The following PDZD2 variants were observed in gnomAD, a reference collection of about 807,000 sequenced individuals.
The protein encoded by PDZD2 is PDZ domain containing 2.
A neutral mutation model predicts 220.7 loss-of-function variants in PDZD2; 90 were observed. The observed-to-expected ratio is 0.41, with a 90% CI of 0.34 to 0.49. The LOEUF (loss-of-function observed/expected upper bound fraction) is 0.49. PDZD2 is among the 20% of genes least tolerant of loss of function. PDZD2 has a pLI of 0.28. For missense variants in PDZD2, 3,174 were observed against 3,608.5 expected, an observed-to-expected ratio of 0.88 and a Z score of 3.08; for synonymous variants, 1,375 against 1,450.5, an observed-to-expected ratio of 0.95 and a Z score of 1.18.
intron 2 of PDZD2, chr5:31,823,049 G>T: frequency 8.8e-7 from 1 of 1,142,230 alleles, no homozygotes; most frequent in Non-Finnish European, 1.3e-6. Flanking sequence ...GTTCCTCTGG[G>T]GCCCTTCACA....
intron 3 of PDZD2, among the ~76,000 whole-genome samples, chr5:31,992,224 G>A (rs114452571): frequency 0.02 from 3,101 of 152,122 alleles, 102 homozygotes; most frequent in African/African-American, 0.069. Flanking sequence ...TTATGTTATC[G>A]GATAAAAGTG....
rs762213817 is a variant in PDZD2, at chr5:32,087,873, C to T, written c.4425C>T (p.Val1475=). 13 of 1,612,338 alleles carry T rather than the reference C, an allele frequency of 8.1e-6. No individual in the cohort carries two copies. Among genetic ancestry groups the T allele is most frequent in the Non-Finnish European group, 1.0e-5 (12 of 1,179,374 alleles). The part of the protein sequence containing the change: ...GGGSSCRAEP[V]PGGQTSSPRR... ...GGAGCTCCTGCCGTGCCGAACCAGTCCCGGGGGGCCAGACCTCCTCCCCGA... is the reference window on the plus strand; with the variant it reads ...GGAGCTCCTGCCGTGCCGAACCAGTTCCGGGGGGCCAGACCTCCTCCCCGA... The change falls in exon 20 of 25, where the codon GTC becomes GTT. Residue 1475 remains valine, a synonymous_variant. Coordinates refer to ENST00000438447, the MANE Select transcript of PDZD2 (RefSeq NM_178140.4). The surrounding 1 kb of genome is among the most constrained non-coding windows in gnomAD (Gnocchi z 4.0).
chr5:32,088,534 A>G lies in PDZD2; in HGVS notation c.5086A>G (p.Thr1696Ala), dbSNP rs752073114. Residue 1696 changes from threonine to alanine, a missense_variant, in exon 20 of 25, where the codon ACC (threonine) becomes GCC (alanine). Around this residue, in one of 4 missense-constraint regions of PDZD2, gnomAD observed 1,861 missense variants for 2,001.0 expected, o/e 0.93. Coordinates refer to ENST00000438447, the MANE Select transcript of PDZD2 (RefSeq NM_178140.4). The surrounding 1 kb of genome is among the most constrained non-coding windows in gnomAD (Gnocchi z 4.6). ...CCACAGGCCCTCGTGTGCAGAAGAA[A>G]CCACAGAAGTCACCAGCGCTAGCTC... ...QNHRPSCAEE[T>A]TEVTSASSAM... 31 of 1,613,956 alleles carry G rather than the reference A, an allele frequency of 1.9e-5. No homozygotes were observed. In the Admixed American group the frequency reaches 2.7e-4, roughly 14 times the overall value.
At chr5:32,096,981 G>A (rs1332772764) in intron 21 of PDZD2, among the ~76,000 whole-genome samples, 1 of 151,960 alleles carries the variant, frequency 6.6e-6, no homozygotes, top group Non-Finnish European at 1.5e-5. Flanking sequence ...GACTACAAGT[G>A]TGCAACACCA....
intron 10 of PDZD2, among the ~76,000 whole-genome samples, chr5:32,055,613 A>G (rs1455980800): frequency 6.6e-6 from 1 of 152,238 alleles, no homozygotes; most frequent in Non-Finnish European, 1.5e-5. Flanking sequence ...ATCTTCAAAA[A>G]TGCTGTGACT....
intron 2 of PDZD2, among the ~76,000 whole-genome samples, chr5:31,806,617 T>C (rs1245140946): frequency 6.6e-6 from 1 of 152,212 alleles, no homozygotes; most frequent in Non-Finnish European, 1.5e-5. Flanking sequence ...AAAGTTTTTG[T>C]TTGTGAGCTC....
rs183308930 is a variant in PDZD2, at chr5:31,834,584, C to G, written c.476+34860C>G. Among the ~76,000 whole-genome samples, 5 of 152,180 alleles carry G rather than the reference C, an allele frequency of 3.3e-5. No individual in the cohort carries two copies. The East Asian group carries it at 9.6e-4, about 29-fold the overall frequency. ...TACCCAGCAAATTTTGTTTGGTGCT[C>G]ATTCCTGGGGAAGTTTTTTCATTTT... On this transcript the variant is annotated intron_variant, in intron 2 of 24. Transcript: ENST00000438447.
chr5:31,851,392 G>A (rs188206028), intron 2 of PDZD2, among the ~76,000 whole-genome samples: 2,433 of 152,264 alleles, frequency 0.016, 41 homozygotes, highest in Non-Finnish European at 0.027. Context: ...CCTATTAAAT[G>A]CATGATCTGC....
chr5:31,980,846 C>T (rs1304206141), intron 2 of PDZD2, among the ~76,000 whole-genome samples: 1 of 152,080 alleles, frequency 6.6e-6, no homozygotes, highest in African/African-American at 2.4e-5. Flanking sequence ...TGCAGTGGCG[C>T]GATCTCAGCT....
intron 16 of PDZD2, 123 bp from the exon 17 acceptor site, chr5:32,072,038 C>A: frequency 1.5e-6 from 1 of 674,938 alleles, no homozygotes; most frequent in Non-Finnish European, 2.5e-6. Context: ...TGTTTACTAT[C>A]ACAGCTATTT....
At chr5:32,041,052 C>A (rs545872958) in intron 7 of PDZD2, among the ~76,000 whole-genome samples, 1 of 144,048 alleles carries the variant, frequency 6.9e-6, no homozygotes, top group South Asian at 2.2e-4. Flanking sequence ...CAGCAGCCGC[C>A]CCGTCTGGGA....
chr5:31,706,742 G>A (rs1343217404), intron 1 of PDZD2, among the ~76,000 whole-genome samples: 1 of 151,768 alleles, frequency 6.6e-6, no homozygotes, highest in Non-Finnish European at 1.5e-5. Flanking sequence ...TACTTGGGAG[G>A]CTGAGGCAGG....
At chr5:32,021,115 A>G (rs1754167437) in intron 6 of PDZD2, among the ~76,000 whole-genome samples, 1 of 149,830 alleles carries the variant, frequency 6.7e-6, no homozygotes, top group Non-Finnish European at 1.5e-5. Flanking sequence ...GCAACATGGT[A>G]GCACACAGCC....
chr5:31,940,869 G>T (rs1259865316), intron 2 of PDZD2, among the ~76,000 whole-genome samples: 1 of 152,154 alleles, frequency 6.6e-6, no homozygotes, highest in Non-Finnish European at 1.5e-5. Context: ...AAATGTTCTT[G>T]TGTTTATGTA....
intron 19 of PDZD2, among the ~76,000 whole-genome samples, chr5:32,081,889 T>G (rs1741990528): frequency 6.6e-6 from 1 of 151,676 alleles, no homozygotes; most frequent in Admixed American, 6.6e-5. Context: ...GCCCAGCTGA[T>G]TTTTTTGTAT....
intron 2 of PDZD2, among the ~76,000 whole-genome samples, chr5:31,924,706 A>G (rs575034094): frequency 1.3e-5 from 2 of 152,324 alleles, no homozygotes; most frequent in African/African-American, 4.8e-5. Context: ...TCTCATGGAC[A>G]CCAGCAGGAT....
At chr5:31,806,497 G>C (rs550765206) in intron 2 of PDZD2, among the ~76,000 whole-genome samples, 2 of 152,248 alleles carry the variant, frequency 1.3e-5, no homozygotes, top group South Asian at 4.1e-4. Context: ...TTGAGTGTTA[G>C]CAGCTTTGTC....
At chr5:31,844,494 T>G (rs568450458) in intron 2 of PDZD2, among the ~76,000 whole-genome samples, 1 of 152,340 alleles carries the variant, frequency 6.6e-6, no homozygotes, top group Admixed American at 6.5e-5. Context: ...GAAATGATTT[T>G]TGTCAAGACC....
intron 1 of PDZD2, among the ~76,000 whole-genome samples, chr5:31,774,103 G>T (rs183687817): frequency 3.3e-5 from 5 of 152,200 alleles, no homozygotes; most frequent in African/African-American, 1.2e-4. Flanking sequence ...AGGTCCAGAA[G>T]CCAGCTCACC....
Sources: allele counts gnomAD v4.1 joint callset (sites outside exome capture counted in the v4.1 genomes callset), GRCh38; gene constraint gnomAD v4.1.1; regional missense constraint gnomAD v4.1.1; non-coding constraint Gnocchi (gnomAD v3.1); transcripts MANE v1.5; gene names NCBI Gene and HGNC (gene_info 2026-07-23, HGNC 2026-07-21).